Variants in IGSF1 observed in about 807,000 individuals in gnomAD.
The protein encoded by IGSF1 is immunoglobulin superfamily member 1.
Under a neutral mutation model 95.3 loss-of-function variants are expected in IGSF1, and 40 were observed. The observed-to-expected ratio is 0.42, with a 90% confidence interval of 0.33 to 0.55. IGSF1 has a LOEUF of 0.55. Ranked by LOEUF, IGSF1 falls within the 20% of genes least tolerant of loss-of-function variation. IGSF1 has a pLI of 0.10. For synonymous variants in IGSF1, 372 were observed against 382.9 expected, an observed-to-expected ratio of 0.97 and a Z score of 0.33; for missense variants, 906 against 1,025.4, an observed-to-expected ratio of 0.88 and a Z score of 1.59.
chrX:131,278,187 T>G, intron 12 of IGSF1, 53 bp from the exon 13 acceptor site: 3 of 1,115,798 alleles, frequency 2.7e-6, no homozygotes, highest in Non-Finnish European at 3.7e-6. Context: ...GTTGCCCAGA[T>G]GGGATACTCA....
rs1190722789 is a variant in IGSF1 at position 131,281,837 on chromosome X, G to A, written c.1354C>T (p.Leu452=). 8.3e-7 allele frequency: 1 copy of A among 1,209,337 alleles called. No homozygotes were observed. Among genetic ancestry groups the A allele is most frequent in the Admixed American group, 2.2e-5 (1 of 46,012 alleles). Residue 452 remains leucine, a synonymous_variant, in exon 8 of 20, where the codon CTG becomes TTG. Coordinates refer to ENST00000361420, the MANE Select transcript of IGSF1 (RefSeq NM_001555.5). ...AATGTTTCTCTTTCTTCCCATTCCAGAGAAAATTCCAGTACTGGATGAGAT... is the reference window on the plus strand; with the variant it reads ...AATGTTTCTCTTTCTTCCCATTCCAAAGAAAATTCCAGTACTGGATGAGAT... The part of the protein sequence containing the change: ...RVSHPVLEFS[L]EWEERETFQK...
chrX:131,282,795 T>A, intron 6 of IGSF1, 58 bp from the exon 7 acceptor site: 1 of 1,075,797 alleles, frequency 9.3e-7, no homozygotes, highest in Non-Finnish European at 1.3e-6. Flanking sequence ...TCCCACTCCT[T>A]AAGATTCTTT....
intron 5 of IGSF1, chrX:131,284,715 ATTTGTTTTTT>A: frequency 5.3e-6 from 4 of 748,263 alleles, no homozygotes; most frequent in Non-Finnish European, 6.3e-6. Flanking sequence ...ATTCTTTGTC[ATTTGTTTTTT>A]TTTGTTTTTA....
At position 131,283,282 on chromosome X, in the gene IGSF1, C is replaced by T. The variant is rs1569405797; in HGVS notation, c.668-18G>A. ...GTAGAGTCCTACAAACGGAAGAGAC[C>T]CTAAAGTTAGAGGCAAGATGATTCT... On this transcript the variant is annotated intron_variant, in intron 5 of 19. Coordinates refer to ENST00000361420, the MANE Select transcript of IGSF1 (RefSeq NM_001555.5). The T allele has an allele frequency of 8.6e-7, 1 of 1,162,804 alleles. No individual in the cohort carries two copies. Among genetic ancestry groups the T allele is most frequent in the East Asian group, 3.0e-5 (1 of 33,362 alleles).
At chrX:131,274,540 G>T in intron 18 of IGSF1, 59 bp downstream of exon 18, 1 of 1,121,231 alleles carries the variant, frequency 8.9e-7, no homozygotes, top group Non-Finnish European at 1.2e-6. Flanking sequence ...TCTCCATGGG[G>T]ACTGTCCCTG....
At position 131,282,427 on chromosome X, in the gene IGSF1, C is replaced by A. The variant is rs2080575112; in HGVS notation, c.1246+17G>T. On this transcript the variant is annotated intron_variant, in intron 7 of 19. Transcript: ENST00000361420. The stretch of plus-strand genomic sequence containing the variant: ...AAAACAAACAGGTTGATAATAAAAA[C>A]AGTTGTTAACACTTGCCTACAACCA... 8.5e-7 allele frequency: 1 copy of A among 1,176,205 alleles called. No individual in the cohort carries two copies. The highest frequency in any genetic ancestry group is 1.2e-6 in the Non-Finnish European group (1 of 868,154).
At chrX:131,286,805 C>G (rs1243103261) in intron 1 of IGSF1, 64 bp from the exon 2 acceptor site, 2 of 483,261 alleles carry the variant, frequency 4.1e-6, no homozygotes, top group African/African-American at 5.0e-5. Flanking sequence ...GTTTAGATGG[C>G]TAAATTGCAC....
intron 5 of IGSF1, among the ~76,000 whole-genome samples, chrX:131,283,697 C>T (rs2080594146): frequency 8.9e-6 from 1 of 112,547 alleles, no homozygotes; most frequent in African/African-American, 3.2e-5. Flanking sequence ...ACTTCTACAA[C>T]AAGACTGAAA....
Position 131,281,354 on chromosome X carries a change from A to G in IGSF1, c.1526-16T>C, listed in dbSNP as rs2080556413. 1 of 1,210,916 alleles carries G rather than the reference A, an allele frequency of 8.3e-7. No homozygotes were observed. The highest frequency in any genetic ancestry group is 1.7e-5 in the African/African-American group (1 of 57,841). ...GTGAGATAGCCTGTGGCCAGAGAAG[A>G]CCAGAATCAGAGGCCTTGATGGGGA... On this transcript the variant is annotated splice_polypyrimidine_tract_variant and intron_variant, in intron 8 of 19. Coordinates refer to ENST00000361420, the MANE Select transcript of IGSF1 (RefSeq NM_001555.5).
intron 11 of IGSF1, 147 bp downstream of exon 11, chrX:131,278,996 T>C (rs760376342): frequency 2.4e-4 from 172 of 707,533 alleles, no homozygotes; most frequent in Admixed American, 7.4e-5. Flanking sequence ...AGTTGGAGGC[T>C]GAATTTTGCC....
At chrX:131,277,609 T>A in intron 13 of IGSF1, 1 of 390,675 alleles carries the variant, frequency 2.6e-6, no homozygotes, top group South Asian at 6.0e-5. Flanking sequence ...AGATAATTGA[T>A]GTGAAAATAA....
chrX:131,278,224 A>G, intron 12 of IGSF1, 90 bp from the exon 13 acceptor site: 2 of 949,517 alleles, frequency 2.1e-6, no homozygotes, highest in African/African-American at 1.9e-5. Context: ...AAATAAAGAC[A>G]TTCATTCTGG....
intron 12 of IGSF1, 136 bp from the exon 13 acceptor site, chrX:131,278,270 C>T (rs919421262): frequency 2.7e-6 from 2 of 728,013 alleles, no homozygotes; most frequent in Admixed American, 3.2e-5. Context: ...TCTCCTCACA[C>T]TCTCTTTCCC....
intron 11 of IGSF1, 80 bp from the exon 12 acceptor site, chrX:131,278,831 G>T: frequency 1.1e-6 from 1 of 919,458 alleles, no homozygotes; most frequent in Non-Finnish European, 1.5e-6. Context: ...CCTCTACCCA[G>T]ATCACACTGC....
chrX:131,274,102 A>ACTT lies in IGSF1; in HGVS notation c.3853_3855dup (p.Lys1285dup). ...ATTTACCTGGTTCGCAGTCGAGGCC[A>ACTT]CTTCTTCCACTCTATGGCTAGCACT... On this transcript the variant is annotated inframe_insertion, in exon 19 of 20. Transcript: ENST00000361420. 1 of 1,211,493 alleles carries ACTT rather than the reference A, an allele frequency of 8.3e-7. No homozygotes were observed. The highest frequency in any genetic ancestry group is 1.1e-6 in the Non-Finnish European group (1 of 895,377).
Position 131,273,834 on chromosome X carries a change from A to G in IGSF1, c.3973T>C (p.Ser1325Pro), listed in dbSNP as rs774399890. The change falls in exon 20 of 20, where the codon TCT becomes CCT. Residue 1325 changes from serine (S) to proline (P), a missense_variant. This residue lies in a region of IGSF1 where 411 missense variants were observed against 494.9 expected (regional missense o/e 0.83). Transcript: ENST00000361420. ...GGCAGTTCCACAGAGATTCTCTGAGAGGTTGATGAAGGAGAATTGGCAGGG... is the reference window on the plus strand; with the variant it reads ...GGCAGTTCCACAGAGATTCTCTGAGGGGTTGATGAAGGAGAATTGGCAGGG... ...GTPANSPSSTSQRISVELPVP... is the reference protein window; with the variant it reads ...GTPANSPSSTPQRISVELPVP... The G allele has an allele frequency of 1.7e-6, 2 of 1,209,486 alleles. No homozygotes were observed. Among genetic ancestry groups the G allele is most frequent in the Non-Finnish European group, 2.2e-6 (2 of 893,812 alleles).
At chrX:131,286,780 G>C in intron 1 of IGSF1, 39 bp from the exon 2 acceptor site, 2 of 641,300 alleles carry the variant, frequency 3.1e-6, no homozygotes, top group Non-Finnish European at 4.6e-6. Context: ...GACTTGTCCT[G>C]CTCCTTAAAG....
chrX:131,289,030 G>T (rs1459715070), intron 1 of IGSF1, 184 bp downstream of exon 1: 8 of 283,481 alleles, frequency 2.8e-5, no homozygotes, highest in Non-Finnish European at 1.4e-5. Flanking sequence ...ACCGAGGCAG[G>T]TCTGGGATCC....
intron 9 of IGSF1, chrX:131,281,014 A>C (rs1454469615): frequency 2.4e-6 from 1 of 412,370 alleles, no homozygotes; most frequent in East Asian, 4.1e-5. Flanking sequence ...GCCTCTGAGA[A>C]CTATGCATTT....
Sources: allele counts gnomAD v4.1 joint callset (sites outside exome capture counted in the v4.1 genomes callset), GRCh38; gene constraint gnomAD v4.1.1; regional missense constraint gnomAD v4.1.1; transcripts MANE v1.5; gene names NCBI Gene and HGNC (gene_info 2026-07-23, HGNC 2026-07-21).